Variants in WDR25 observed in about 807,000 individuals in gnomAD.
WDR25 encodes WD repeat-containing protein 25.
WDR25 carries 35 observed loss-of-function variants against 47.7 expected under a neutral mutation model. The ratio of observed to expected loss-of-function variants is 0.73; its 90% CI spans 0.56 to 0.97. The LOEUF is 0.97. Ranked by LOEUF, WDR25 falls within the 50% of genes least tolerant of loss-of-function variation. The probability of loss-of-function intolerance (pLI) is 0.00; values close to 1 mark genes in which losing one functional copy is unlikely to be tolerated. For missense variants in WDR25, 634 were observed against 704.7 expected, an observed-to-expected ratio of 0.90 and a Z score of 1.14; for synonymous variants, 248 against 278.9, an observed-to-expected ratio of 0.89 and a Z score of 1.10.
chr14:100,450,171 CA>C (rs1898978039), intron 2 of WDR25, among the ~76,000 whole-genome samples: 1 of 152,210 alleles, frequency 6.6e-6, no homozygotes, highest in Non-Finnish European at 1.5e-5. Flanking sequence ...CAAACTTTTG[CA>C]AGTGTCTGCT....
chr14:100,493,786 A>T (rs1461412418), intron 4 of WDR25, among the ~76,000 whole-genome samples: 2 of 152,186 alleles, frequency 1.3e-5, no homozygotes, highest in East Asian at 1.9e-4. Context: ...CCCTAATGTG[A>T]TGATATTAGG....
chr14:100,485,370 C>T (rs1310555314), intron 4 of WDR25, among the ~76,000 whole-genome samples: 2 of 152,240 alleles, frequency 1.3e-5, no homozygotes, highest in Non-Finnish European at 2.9e-5. Flanking sequence ...AATGTAAGCT[C>T]TTTGAAGGCA....
chr14:100,479,803 T>G (rs1900139638), intron 3 of WDR25, among the ~76,000 whole-genome samples: 1 of 152,110 alleles, frequency 6.6e-6, no homozygotes, highest in East Asian at 1.9e-4. Flanking sequence ...TGAGTGAACA[T>G]TCCCGCCTGA....
chr14:100,524,241 C>T (rs577910895), intron 4 of WDR25, among the ~76,000 whole-genome samples: 3 of 144,662 alleles, frequency 2.1e-5, no homozygotes, highest in Non-Finnish European at 4.6e-5. Context: ...TCTGAGACTT[C>T]ATGCCCACCG....
Position 100,407,149 on chromosome 14 carries a change from C to A in WDR25, c.822+25403C>A, listed in dbSNP as rs996766620. 1.3e-5 allele frequency: 2 copies of A among 152,232 alleles called. No individual in the cohort carries two copies. The highest frequency in any genetic ancestry group is 2.9e-5 in the Non-Finnish European group (2 of 68,048). 9.4% of individuals were successfully genotyped at this position (152,232 alleles called of 1,614,324 possible). A position where few individuals can be genotyped will look rare whatever the true frequency, so the allele number is the denominator to read the frequency against. ...CCTGCGGTTAACATCTTAATAGTAA[C>A]CGGAGAGTTTCTGAGAGATTAGGTG... is the stretch of plus-strand genomic sequence containing the variant. On this transcript the variant is annotated intron_variant, in intron 2 of 6. Coordinates refer to ENST00000402312, the MANE Select transcript of WDR25 (RefSeq NM_001161476.3). The surrounding 1 kb of genome is among the most constrained non-coding windows in gnomAD (Gnocchi z 4.1).
intron 2 of WDR25, among the ~76,000 whole-genome samples, chr14:100,457,266 A>G (rs999477982): frequency 2.6e-5 from 4 of 152,180 alleles, no homozygotes; most frequent in African/African-American, 9.7e-5. Context: ...GAAATTTCTT[A>G]TAACTACTGT....
chr14:100,415,188 G>A (rs1381424288), intron 2 of WDR25, among the ~76,000 whole-genome samples: 1 of 152,180 alleles, frequency 6.6e-6, no homozygotes, highest in Non-Finnish European at 1.5e-5. Flanking sequence ...GCTACTCATG[G>A]AAAAGAGAAG....
chr14:100,509,927 G>A (rs1381522003), intron 4 of WDR25, among the ~76,000 whole-genome samples: 1 of 151,338 alleles, frequency 6.6e-6, no homozygotes, highest in East Asian at 1.9e-4. Context: ...TAGGTCTATT[G>A]TTGTACTCTC....
At chr14:100,427,372 C>A (rs747836683) in intron 2 of WDR25, among the ~76,000 whole-genome samples, 4 of 152,200 alleles carry the variant, frequency 2.6e-5, no homozygotes, top group Non-Finnish European at 5.9e-5. Context: ...AAATGTATCC[C>A]GTTCACCATG....
chr14:100,519,323 A>G (rs1901618346), intron 4 of WDR25, among the ~76,000 whole-genome samples: 1 of 151,784 alleles, frequency 6.6e-6, no homozygotes, highest in Non-Finnish European at 1.5e-5. Context: ...TCAGGTTTAC[A>G]TTAGATTTGT....
At chr14:100,461,648 G>A (rs915014431) in intron 2 of WDR25, among the ~76,000 whole-genome samples, 1 of 152,200 alleles carries the variant, frequency 6.6e-6, no homozygotes, top group Non-Finnish European at 1.5e-5. Context: ...GATCCCATCC[G>A]TTTGGTAAAG....
intron 2 of WDR25, among the ~76,000 whole-genome samples, chr14:100,459,301 C>T (rs1421792211): frequency 3.3e-5 from 5 of 152,128 alleles, no homozygotes; most frequent in Admixed American, 1.3e-4. Flanking sequence ...CCTTGAAAGA[C>T]GCAAACAATA....
chr14:100,485,908 A>C (rs1900366686), intron 4 of WDR25, among the ~76,000 whole-genome samples: 2 of 152,200 alleles, frequency 1.3e-5, no homozygotes, highest in South Asian at 4.1e-4. Context: ...GATCTTGCTT[A>C]AAGTACTCAC....
At chr14:100,495,083 G>T (rs976401796) in intron 4 of WDR25, among the ~76,000 whole-genome samples, 1 of 152,228 alleles carries the variant, frequency 6.6e-6, no homozygotes, top group Non-Finnish European at 1.5e-5. Context: ...CTGGCTGGGC[G>T]TGGTGGCTCA....
At chr14:100,472,983 A>G (rs999991584) in intron 3 of WDR25, among the ~76,000 whole-genome samples, 5 of 152,164 alleles carry the variant, frequency 3.3e-5, no homozygotes, top group African/African-American at 9.7e-5. Context: ...GGTGGGAGTC[A>G]TGTTGTGTGG....
At position 100,488,533 on chromosome 14, in the gene WDR25, G is replaced by A. The variant is rs1236135103; in HGVS notation, c.1101+4409G>A. Among the ~76,000 whole-genome samples the A allele has an allele frequency of 3.3e-5, 5 of 152,148 alleles. No individual in the cohort carries two copies. Among genetic ancestry groups the A allele is most frequent in the South Asian group, 2.1e-4 (1 of 4,808 alleles). On this transcript the variant is annotated intron_variant, in intron 4 of 6. Coordinates refer to ENST00000402312, the MANE Select transcript of WDR25 (RefSeq NM_001161476.3). This position sits in a 1 kb window ranked among gnomAD's most constrained non-coding sequence, Gnocchi z 4.2. ...GATTCACAATTTTTAAATTGGTATC[G>A]TAAAGTGGCAGGCCAAGCCACGCCT...
chr14:100,385,386 T>A (rs1037526024), intron 2 of WDR25, among the ~76,000 whole-genome samples: 1 of 152,210 alleles, frequency 6.6e-6, no homozygotes, highest in African/African-American at 2.4e-5. Context: ...GGAAGAATCC[T>A]TGATTCAAGG....
At chr14:100,422,680 A>G (rs1184770541) in intron 2 of WDR25, among the ~76,000 whole-genome samples, 4 of 152,180 alleles carry the variant, frequency 2.6e-5, no homozygotes, top group African/African-American at 9.7e-5. Context: ...GTGGACGCCC[A>G]CCAGCGTACT....
At chr14:100,482,973 G>A (rs551333819) in intron 3 of WDR25, among the ~76,000 whole-genome samples, 86 of 152,338 alleles carry the variant, frequency 5.6e-4, no homozygotes, top group African/African-American at 1.4e-3. Context: ...GCTGGGTGGC[G>A]TGGGGCAGCT....
Sources: allele counts gnomAD v4.1 joint callset (sites outside exome capture counted in the v4.1 genomes callset), GRCh38; gene constraint gnomAD v4.1.1; non-coding constraint Gnocchi (gnomAD v3.1); transcripts MANE v1.5; gene names NCBI Gene and HGNC (gene_info 2026-07-23, HGNC 2026-07-21).